Variants in SPTB observed in about 807,000 individuals in gnomAD.
SPTB encodes the protein spectrin beta chain, erythrocytic.
In SPTB, 45 loss-of-function variants were observed where a neutral mutation model predicts 256.2. That is an observed-to-expected ratio of 0.18 (90% CI 0.14 to 0.23). The LOEUF (loss-of-function observed/expected upper bound fraction) is 0.23, where lower values mean the gene tolerates loss of function less well. Ranked by LOEUF, SPTB falls within the 10% of genes least tolerant of loss-of-function variation. The pLI, the probability that SPTB is intolerant of heterozygous loss-of-function variation, is 1.00. For synonymous variants in SPTB, 1,231 were observed against 1,243.1 expected (o/e 0.99, Z 0.21); for missense variants, 2,715 against 3,040.4 (o/e 0.89, Z 2.52).
chr14:64,779,615 G>T lies in SPTB; in HGVS notation c.4473+110C>A. The stretch of plus-strand genomic sequence containing the variant: ...ACAAGAACCCTATGAGATAAGGGGT[G>T]AGGTGACCAGTCATCTACTGCCAAA... On this transcript the variant is annotated intron_variant, in intron 21 of 35. Coordinates refer to ENST00000644917, the MANE Select transcript of SPTB (RefSeq NM_001355436.2). This position sits in a 1 kb window ranked among gnomAD's most constrained non-coding sequence, Gnocchi z 4.2. 1 of 1,056,182 alleles carries T rather than the reference G, an allele frequency of 9.5e-7. No homozygotes were observed. 65.4% of individuals were successfully genotyped at this position (1,056,182 alleles called of 1,614,324 possible).
intron 1 of SPTB, among the ~76,000 whole-genome samples, chr14:64,828,130 C>T (rs997002153): frequency 2.6e-5 from 4 of 152,216 alleles, no homozygotes; most frequent in African/African-American, 4.8e-5. Context: ...CTCCATGCAT[C>T]TGCAATATCC....
chr14:64,770,830 C>T (rs542469196), intron 27 of SPTB, 55 bp downstream of exon 27: 53 of 1,612,828 alleles, frequency 3.3e-5, no homozygotes, highest in African/African-American at 8.0e-5. Flanking sequence ...CCTGGTTGGC[C>T]GGGCTCCTCT....
chr14:64,749,195 G>T lies in SPTB; in HGVS notation c.*111C>A. The T allele has an allele frequency of 7.4e-7, 1 of 1,357,372 alleles. No homozygotes were observed. Among genetic ancestry groups the T allele is most frequent in the Non-Finnish European group, 1.0e-6 (1 of 998,154 alleles). The allele number at this position is 1,357,372 out of a possible 1,614,324, so 84.1% of individuals were successfully genotyped here. A position where few individuals can be genotyped will look rare whatever the true frequency, so the allele number is the denominator to read the frequency against. Reference sequence around the variant, plus strand: ...AGCGTGGGGCCCGGGGGCCCGGCCCGCGACTCGACTCATCTCGATTCGACC... The same window carrying T: ...AGCGTGGGGCCCGGGGGCCCGGCCCTCGACTCGACTCATCTCGATTCGACC... On this transcript the variant is annotated 3_prime_UTR_variant, in exon 36 of 36. Transcript: ENST00000644917. The surrounding 1 kb of genome is among the most constrained non-coding windows in gnomAD (Gnocchi z 4.7).
rs1594792376 is a variant in SPTB at position 64,801,623 on chromosome 14, G to C, written c.647+131C>G. On this transcript the variant is annotated intron_variant, in intron 6 of 35. Transcript: ENST00000644917. ...ATTTAAGGAAAGTGAAGGTGCTATG[G>C]GCTGCTGAAGGGGAGAGGAGAAGGA... The C allele has an allele frequency of 4.9e-6, 5 of 1,014,350 alleles. No homozygotes were observed. The South Asian group carries it at 6.4e-5, about 13-fold the overall frequency. 62.8% of individuals were successfully genotyped at this position (1,014,350 alleles called of 1,614,324 possible).
intron 1 of SPTB, among the ~76,000 whole-genome samples, chr14:64,828,612 T>C (rs2083407795): frequency 6.6e-6 from 1 of 152,242 alleles, no homozygotes; most frequent in South Asian, 2.1e-4. Flanking sequence ...TTATCCTCTA[T>C]TGGGATTCTT....
At chr14:64,752,068 G>C in intron 33 of SPTB, 1 of 766,236 alleles carries the variant, frequency 1.3e-6, no homozygotes, top group South Asian at 1.8e-5. Flanking sequence ...CACTCCAGCC[G>C]GGGTGACAGA....
Position 64,845,743 on chromosome 14 carries a change from A to G in SPTB, c.-51-22598T>C, listed in dbSNP as rs1008536858. 6.6e-6 allele frequency among the ~76,000 whole-genome samples: 1 copy of G among 152,222 alleles called. No homozygotes were observed. Among genetic ancestry groups the G allele is most frequent in the Non-Finnish European group, 1.5e-5 (1 of 68,026 alleles). The stretch of plus-strand genomic sequence containing the variant: ...CCCTGTGTGTTTCCCCAACTTTGTG[A>G]AATGAGTTCTGCCATGGGCTCGCCT... On this transcript the variant is annotated intron_variant, in intron 1 of 35. Coordinates refer to ENST00000644917, the MANE Select transcript of SPTB (RefSeq NM_001355436.2). The surrounding 1 kb of genome is among the most constrained non-coding windows in gnomAD (Gnocchi z 4.8).
At chr14:64,751,220 A>C (rs2081946095) in intron 33 of SPTB, among the ~76,000 whole-genome samples, 1 of 151,654 alleles carries the variant, frequency 6.6e-6, no homozygotes, top group African/African-American at 2.4e-5. Context: ...CCCAGGTTCA[A>C]GCGATTTTCT....
At position 64,776,554 on chromosome 14, in the gene SPTB, C is replaced by T. The variant is rs144260217; in HGVS notation, c.4564-1151G>A. On this transcript the variant is annotated intron_variant, in intron 22 of 35. Transcript: ENST00000644917. ...TTCCCAGGCTCAGATGATTCTCCCA[C>T]CTCAGCCTCCCAAGTAGCTTGGACT... Among the ~76,000 whole-genome samples, 25 of 152,282 alleles carry T rather than the reference C, an allele frequency of 1.6e-4. No homozygotes were observed. In the East Asian group the frequency reaches 4.8e-3, roughly 29 times the overall value.
intron 4 of SPTB, among the ~76,000 whole-genome samples, chr14:64,803,297 G>A (rs2082923008): frequency 6.6e-6 from 1 of 152,134 alleles, no homozygotes; most frequent in Non-Finnish European, 1.5e-5. Context: ...AAACCAAGAA[G>A]TTACATGTAT....
intron 33 of SPTB, among the ~76,000 whole-genome samples, chr14:64,752,714 T>C (rs1594737872): frequency 6.6e-6 from 1 of 152,236 alleles, no homozygotes; most frequent in South Asian, 2.1e-4. Context: ...TTCAGGGCAA[T>C]TGGGCCCCCA....
intron 9 of SPTB, among the ~76,000 whole-genome samples, chr14:64,798,365 G>A (rs1011168878): frequency 6.6e-6 from 1 of 152,208 alleles, no homozygotes; most frequent in Non-Finnish European, 1.5e-5. Context: ...AAGTCCTACA[G>A]GCCAGATGCT....
At chr14:64,840,923 T>C (rs531604434) in intron 1 of SPTB, among the ~76,000 whole-genome samples, 10 of 152,348 alleles carry the variant, frequency 6.6e-5, no homozygotes, top group Non-Finnish European at 1.2e-4. Flanking sequence ...AAAGGGATGT[T>C]ATATATGTGT....
chr14:64,821,605 T>C (rs899000845), intron 2 of SPTB, among the ~76,000 whole-genome samples: 2 of 152,166 alleles, frequency 1.3e-5, no homozygotes, highest in African/African-American at 4.8e-5. Context: ...CCAAGTTTGG[T>C]TGGCTTAAAT....
At chr14:64,840,623 A>G (rs971182653) in intron 1 of SPTB, among the ~76,000 whole-genome samples, 9 of 152,200 alleles carry the variant, frequency 5.9e-5, no homozygotes, top group African/African-American at 2.2e-4. Context: ...GCCTCTTGCT[A>G]CCTGAAGGAG....
intron 1 of SPTB, among the ~76,000 whole-genome samples, chr14:64,833,936 C>T: frequency 1.3e-5 from 2 of 152,184 alleles, no homozygotes. Context: ...AGGTTGGAAG[C>T]ATAGCATGTT....
Position 64,853,050 on chromosome 14 carries a change from T to C in SPTB, c.-52+26742A>G, listed in dbSNP as rs1212104900. 6.6e-6 allele frequency among the ~76,000 whole-genome samples: 1 copy of C among 152,068 alleles called. No homozygotes were observed. Among genetic ancestry groups the C allele is most frequent in the African/African-American group, 2.4e-5 (1 of 41,366 alleles). ...CCTGAGGAAGTAGCCTTTAAATGGA[T>C]ACCTATGGGACAAATAAGAGACAGG... On this transcript the variant is annotated intron_variant, in intron 1 of 35. Coordinates refer to ENST00000644917, the MANE Select transcript of SPTB (RefSeq NM_001355436.2). The surrounding 1 kb of genome is among the most constrained non-coding windows in gnomAD (Gnocchi z 4.3).
At chr14:64,767,974 A>G (rs2082217217) in intron 29 of SPTB, 115 bp from the exon 30 acceptor site, 1 of 1,164,536 alleles carries the variant, frequency 8.6e-7, no homozygotes, top group East Asian at 2.5e-5. Flanking sequence ...AGGTGTCCCT[A>G]AACCACATGG....
In SPTB at chr14:64,791,762, G is replaced by T. The variant is rs564951922; in HGVS notation, c.2761C>A (p.Arg921Ser). Residue 921 changes from arginine (R) to serine (S), a missense_variant, in exon 15 of 36, where the codon CGC (arginine) becomes AGC (serine). Physicochemically the swap from Arg to Ser is moderately radical, Grantham distance 110. Coordinates refer to ENST00000644917, the MANE Select transcript of SPTB (RefSeq NM_001355436.2). ...TGGTACTGCTTCACCTCCCTGCTGC[G>T]TGGGTGGCCACTCTCTACCAAGCTG... is the stretch of plus-strand genomic sequence containing the variant. Reference protein sequence around the residue: ...ANSLVESGHPRSREVKQYQDH... With the variant: ...ANSLVESGHPSSREVKQYQDH... 4 of 1,614,042 alleles carry T rather than the reference G, an allele frequency of 2.5e-6. No individual in the cohort carries two copies. The South Asian group carries it at 4.4e-5, about 18-fold the overall frequency.
Sources: gnomAD v4.1 joint callset for allele counts (sites outside exome capture counted in the v4.1 genomes callset) on GRCh38, gnomAD v4.1.1 for gene constraint, Gnocchi (gnomAD v3.1) non-coding constraint, MANE v1.5 for transcripts, NCBI Gene and HGNC (gene_info 2026-07-23, HGNC 2026-07-21) for gene names.